ITGA8: variants seen among roughly 807,000 people sequenced by gnomAD.
The protein encoded by ITGA8 is integrin subunit alpha 8, also known as integrin alpha-8.
A neutral mutation model predicts 142.3 loss-of-function variants in ITGA8; 91 were observed. The observed-to-expected ratio is 0.64, with a 90% CI of 0.54 to 0.76. The LOEUF (loss-of-function observed/expected upper bound fraction) is 0.76, where lower values mean the gene tolerates loss of function less well. ITGA8 is among the 30% of genes least tolerant of loss of function. The pLI is 0.00. For missense variants in ITGA8, 1,406 were observed against 1,327.7 expected, an observed-to-expected ratio of 1.06 and a Z score of -0.92; for synonymous variants, 505 against 485.2, an observed-to-expected ratio of 1.04 and a Z score of -0.54.
chr10:15,670,130 C>T (rs1252610479), intron 8 of ITGA8, among the ~76,000 whole-genome samples: 1 of 152,188 alleles, frequency 6.6e-6, no homozygotes, highest in African/African-American at 2.4e-5. Flanking sequence ...ATCTTGGCTC[C>T]CAACTCCATT....
chr10:15,598,733 A>G (rs956620274), intron 20 of ITGA8, among the ~76,000 whole-genome samples: 6 of 152,244 alleles, frequency 3.9e-5, no homozygotes, highest in Admixed American at 1.3e-4. Flanking sequence ...CCCCAGATAC[A>G]CAGACACATG....
At chr10:15,547,545 C>T (rs1372818899) in intron 27 of ITGA8, among the ~76,000 whole-genome samples, 1 of 152,186 alleles carries the variant, frequency 6.6e-6, no homozygotes, top group Non-Finnish European at 1.5e-5. Context: ...GCACTCCAGG[C>T]TGGGTAACAG....
intron 25 of ITGA8, among the ~76,000 whole-genome samples, chr10:15,564,777 T>G (rs904233475): frequency 1.3e-5 from 2 of 152,256 alleles, no homozygotes; most frequent in Non-Finnish European, 2.9e-5. Flanking sequence ...ATCTTTTTCT[T>G]GTTTGTAATT....
chr10:15,644,471 T>C lies in ITGA8; in HGVS notation c.1208-250A>G, dbSNP rs1340835117. On this transcript the variant is annotated intron_variant, in intron 12 of 29. Transcript: ENST00000378076. Reference sequence around the variant, plus strand: ...ATATATATATATATATATATATATATATATATATATATATATATATAGAAT... The same window carrying C: ...ATATATATATATATATATATATATACATATATATATATATATATATAGAAT... Among the ~76,000 whole-genome samples, 16 of 23,368 alleles carry C rather than the reference T, an allele frequency of 6.8e-4. 1 individual carries two copies. The South Asian group carries it at 0.047, about 69-fold the overall frequency. 15.3% of individuals were successfully genotyped at this position (23,368 alleles called of 152,430 possible). A position where few individuals can be genotyped will look rare whatever the true frequency, so the allele number is the denominator to read the frequency against.
At chr10:15,628,667 C>A (rs574344025) in intron 13 of ITGA8, among the ~76,000 whole-genome samples, 18 of 151,874 alleles carry the variant, frequency 1.2e-4, no homozygotes, top group Admixed American at 1.0e-3. Context: ...GATCCAAGAA[C>A]CCTCTCTTGG....
intron 27 of ITGA8, among the ~76,000 whole-genome samples, chr10:15,547,588 CAA>C (rs995180561): frequency 6.6e-6 from 1 of 151,742 alleles, no homozygotes; most frequent in South Asian, 2.1e-4. Flanking sequence ...GCAACAACAA[CAA>C]AAAAAAGTGC....
At chr10:15,625,409 T>C (rs1157931939) in intron 13 of ITGA8, among the ~76,000 whole-genome samples, 1 of 152,254 alleles carries the variant, frequency 6.6e-6, no homozygotes, top group Non-Finnish European at 1.5e-5. Flanking sequence ...CATTTAACTT[T>C]ATCCTCTTCA....
At position 15,718,754 on chromosome 10, in the gene ITGA8, A is replaced by G; in HGVS notation, c.343+12T>C. The stretch of plus-strand genomic sequence containing the variant: ...CCCAGGCCCACAGCTTAGAAGGACA[A>G]ATCTCACTTACTGGTGGTGTCAAAC... On this transcript the variant is annotated intron_variant, in intron 2 of 29. Transcript: ENST00000378076. The G allele has an allele frequency of 6.2e-7, 1 of 1,613,462 alleles. No homozygotes were observed. The highest frequency in any genetic ancestry group is 1.3e-5 in the African/African-American group (1 of 75,018).
chr10:15,622,237 C>T (rs1429698965), intron 13 of ITGA8, among the ~76,000 whole-genome samples: 3 of 152,130 alleles, frequency 2.0e-5, no homozygotes, highest in Non-Finnish European at 4.4e-5. Flanking sequence ...GCCACCCAAG[C>T]ACCTATACTT....
chr10:15,642,991 T>G (rs1833898327), intron 13 of ITGA8, among the ~76,000 whole-genome samples: 1 of 152,212 alleles, frequency 6.6e-6, no homozygotes, highest in Non-Finnish European at 1.5e-5. Context: ...GACTTCTAAG[T>G]ATTTATTGAA....
intron 2 of ITGA8, among the ~76,000 whole-genome samples, chr10:15,700,771 C>T (rs1835147661): frequency 6.6e-6 from 1 of 152,002 alleles, no homozygotes; most frequent in African/African-American, 2.4e-5. Context: ...ATGAATAGTT[C>T]CAGTACCACA....
At chr10:15,690,962 T>A (rs760152681) in intron 2 of ITGA8, among the ~76,000 whole-genome samples, 4 of 152,132 alleles carry the variant, frequency 2.6e-5, no homozygotes, top group African/African-American at 4.8e-5. Flanking sequence ...CATAAGGGGC[T>A]AACATCTAAA....
intron 13 of ITGA8, among the ~76,000 whole-genome samples, chr10:15,622,204 A>G (rs1833502940): frequency 6.6e-6 from 1 of 152,050 alleles, no homozygotes; most frequent in African/African-American, 2.4e-5. Flanking sequence ...ACCCAGAATC[A>G]TTTCAGGGGA....
intron 8 of ITGA8, among the ~76,000 whole-genome samples, chr10:15,663,764 C>A (rs1397831033): frequency 6.6e-6 from 1 of 152,002 alleles, no homozygotes; most frequent in African/African-American, 2.4e-5. Context: ...GAGAGGAGGT[C>A]TCACTGTGTT....
intron 8 of ITGA8, among the ~76,000 whole-genome samples, chr10:15,670,031 C>T (rs1299405367): frequency 6.6e-6 from 1 of 152,180 alleles, no homozygotes; most frequent in East Asian, 1.9e-4. Flanking sequence ...CCACTACTCT[C>T]TTCAAAGCTC....
intron 10 of ITGA8, among the ~76,000 whole-genome samples, chr10:15,656,326 G>A (rs1834183865): frequency 6.6e-6 from 1 of 151,948 alleles, no homozygotes; most frequent in Non-Finnish European, 1.5e-5. Context: ...TTCCATGAGT[G>A]TACACAGTGT....
Position 15,604,240 on chromosome 10 carries a change from C to T in ITGA8, c.2086G>A (p.Ala696Thr). 1 of 1,612,614 alleles carries T rather than the reference C, an allele frequency of 6.2e-7. No homozygotes were observed. The highest frequency in any genetic ancestry group is 1.7e-4 in the Middle Eastern group (1 of 6,058). Residue 696 changes from alanine (A) to threonine (T), a missense_variant, in exon 20 of 30, where the codon GCA (alanine) becomes ACA (threonine). Transcript: ENST00000378076. Reference protein sequence around the residue: ...AELFVMIPEEADYVGIERNNK... With the variant: ...AELFVMIPEETDYVGIERNNK... ...TTGCGTTCGATTCCAACATAATCTGCCTCTTCTGGTATCATTACAAAGAGT... is the reference window on the plus strand; with the variant it reads ...TTGCGTTCGATTCCAACATAATCTGTCTCTTCTGGTATCATTACAAAGAGT...
intron 2 of ITGA8, among the ~76,000 whole-genome samples, chr10:15,694,315 ATATATAT>A (rs879594372): frequency 0.15 from 19,156 of 131,986 alleles, 1,819 homozygotes; most frequent in South Asian, 0.18. Flanking sequence ...ATAATATATC[ATATATAT>A]GATAATATAT....
intron 20 of ITGA8, among the ~76,000 whole-genome samples, chr10:15,598,963 G>C (rs1319822489): frequency 6.6e-6 from 1 of 152,166 alleles, no homozygotes; most frequent in Admixed American, 6.5e-5. Flanking sequence ...ATCATACAGA[G>C]ATGCTTTGTG....
Sources: allele counts gnomAD v4.1 joint callset (sites outside exome capture counted in the v4.1 genomes callset), GRCh38; gene constraint gnomAD v4.1.1; transcripts MANE v1.5; gene names NCBI Gene and HGNC (gene_info 2026-07-23, HGNC 2026-07-21).